OR1L8: variants seen among roughly 807,000 people sequenced by gnomAD.
OR1L8 encodes olfactory receptor family 1 subfamily L member 8.
For synonymous variants in OR1L8, 148 were observed against 147.0 expected (o/e 1.01, Z -0.05); for missense variants, 330 against 377.4 (o/e 0.87, Z 1.04).
chr9:122,552,336 G>A, the OR1L8 span, among the ~76,000 whole-genome samples: 90 of 152,268 alleles, frequency 5.9e-4, no homozygotes, highest in South Asian at 7.9e-3. Context: ...AAGTCAGGGC[G>A]ATACCTTTCA....
At chr9:122,569,909 A>G (rs1283812520) in intron 4 of OR1L8, among the ~76,000 whole-genome samples, 2 of 143,994 alleles carry the variant, frequency 1.4e-5, no homozygotes, top group African/African-American at 5.2e-5. Flanking sequence ...AATTCCCACC[A>G]ATGAGTGAGA....
At chr9:122,556,659 A>G in the OR1L8 span, among the ~76,000 whole-genome samples, 1 of 152,156 alleles carries the variant, frequency 6.6e-6, no homozygotes, top group Admixed American at 6.5e-5. Context: ...CATTCTGCAC[A>G]TGTATCCCAG....
chr9:122,566,692 A>C (rs548166466), downstream of OR1L8, among the ~76,000 whole-genome samples: 3 of 152,336 alleles, frequency 2.0e-5, no homozygotes, highest in East Asian at 5.8e-4. Context: ...ATATATACAT[A>C]TATCTCACAA....
rs539296060 is a variant in OR1L8, at chr9:122,568,100, G to A, written c.378C>T (p.Ala126=). ...TGACATAGTGGAAAGGGTCACAGAC[G>A]GCCACATAGCGGTCAAAGGCCATGA... ...LAVMAFDRYV[A]VCDPFHYVTT... Residue 126 remains alanine, a synonymous_variant, in exon 5 of 5, where the codon GCC becomes GCT. Transcript: ENST00000641027. 68 of 1,613,982 alleles carry A rather than the reference G, an allele frequency of 4.2e-5. No homozygotes were observed. Among genetic ancestry groups the A allele is most frequent in the Middle Eastern group, 1.7e-4 (1 of 6,058 alleles).
At chr9:122,582,416 T>C (rs1186646784) in intron 1 of OR1L8, among the ~76,000 whole-genome samples, 1 of 151,898 alleles carries the variant, frequency 6.6e-6, no homozygotes, top group Non-Finnish European at 1.5e-5. Context: ...AATTTATGAG[T>C]TTAAAAAATA....
At chr9:122,554,174 G>A in the OR1L8 span, 1 of 1,587,230 alleles carries the variant, frequency 6.3e-7, no homozygotes, top group Non-Finnish European at 8.6e-7. Context: ...TAGACATCTA[G>A]ACGGTGATGT....
chr9:122,548,702 T>A, the OR1L8 span, among the ~76,000 whole-genome samples: 8 of 151,474 alleles, frequency 5.3e-5, no homozygotes, highest in African/African-American at 1.9e-4. Context: ...CATTAACCGG[T>A]CATTTACATT....
downstream of OR1L8, among the ~76,000 whole-genome samples, chr9:122,566,763 G>C (rs1829432853): frequency 6.6e-6 from 1 of 151,806 alleles, no homozygotes; most frequent in Non-Finnish European, 1.5e-5. Context: ...ATTTCTATAG[G>C]CTAGAGTCCT....
the OR1L8 span, among the ~76,000 whole-genome samples, chr9:122,552,100 C>A: frequency 2.7e-5 from 4 of 147,648 alleles, no homozygotes; most frequent in African/African-American, 9.9e-5. Flanking sequence ...CACATATACA[C>A]CTTCCTTCCC....
At chr9:122,548,375 C>A in the OR1L8 span, among the ~76,000 whole-genome samples, 1 of 152,082 alleles carries the variant, frequency 6.6e-6, no homozygotes. Context: ...ATGATAGTTT[C>A]CTCTAGTACA....
At chr9:122,571,283 G>A (rs1488540526) in intron 4 of OR1L8, among the ~76,000 whole-genome samples, 1 of 152,126 alleles carries the variant, frequency 6.6e-6, no homozygotes, top group Non-Finnish European at 1.5e-5. Context: ...CGGGCGCGGT[G>A]GCTCACACCT....
rs146268304 is a variant in OR1L8 at position 122,567,676 on chromosome 9, C to A, written c.802G>T (p.Ala268Ser). Residue 268 changes from alanine (A) to serine (S), a missense_variant, in exon 5 of 5, where the codon GCT becomes TCT. Physicochemically the swap from Ala to Ser is moderately conservative, Grantham distance 99. Transcript: ENST00000641027. Reference protein sequence around the residue: ...CVYLQPPSTYAVKDHVATIVY... With the variant: ...CVYLQPPSTYSVKDHVATIVY... Reference sequence around the variant, plus strand: ...ATTGTTGCCACGTGGTCCTTGACAGCGTAGGTGGATGGGGGCTGTAAATAG... The same window carrying A: ...ATTGTTGCCACGTGGTCCTTGACAGAGTAGGTGGATGGGGGCTGTAAATAG... The A allele has an allele frequency of 6.2e-7, 1 of 1,614,022 alleles. No individual in the cohort carries two copies. The highest frequency in any genetic ancestry group is 8.5e-7 in the Non-Finnish European group (1 of 1,179,986).
At chr9:122,579,775 T>C (rs779015385) in intron 1 of OR1L8, among the ~76,000 whole-genome samples, 5 of 152,028 alleles carry the variant, frequency 3.3e-5, no homozygotes, top group South Asian at 2.1e-4. Flanking sequence ...TTGTCATTGA[T>C]GTTTTAAGCA....
the OR1L8 span, chr9:122,554,031 G>T: frequency 2.5e-6 from 4 of 1,613,878 alleles, no homozygotes; most frequent in Non-Finnish European, 3.4e-6. Flanking sequence ...TACAGAGAGG[G>T]AAAGTAGGGC....
At position 122,567,708 on chromosome 9, in the gene OR1L8, A is replaced by T. The variant is rs762187013; in HGVS notation, c.770T>A (p.Phe257Tyr). 1 of 1,614,102 alleles carries T rather than the reference A, an allele frequency of 6.2e-7. No homozygotes were observed. Among genetic ancestry groups the T allele is most frequent in the Non-Finnish European group, 8.5e-7 (1 of 1,180,024 alleles). ...TVVTLFYGSI[F>Y]CVYLQPPSTY... ...GGATGGGGGCTGTAAATAGACACAG[A>T]AGATGCTTCCATAAAAGAGCGTCAC... Residue 257 changes from phenylalanine to tyrosine, a missense_variant, in exon 5 of 5, where the codon TTC (phenylalanine) becomes TAC (tyrosine). Transcript: ENST00000641027.
downstream of OR1L8, among the ~76,000 whole-genome samples, chr9:122,564,110 T>A (rs938160945): frequency 6.6e-6 from 1 of 152,186 alleles, no homozygotes; most frequent in African/African-American, 2.4e-5. Flanking sequence ...TGGGGACTAC[T>A]GGACACTGGC....
chr9:122,566,829 A>T (rs1283158140), downstream of OR1L8, among the ~76,000 whole-genome samples: 1 of 152,202 alleles, frequency 6.6e-6, no homozygotes, highest in African/African-American at 2.4e-5. Flanking sequence ...CACATAGTTT[A>T]TGGGAAGGTG....
chr9:122,568,300 T>G lies in OR1L8; in HGVS notation c.178A>C (p.Met60Leu). The change falls in exon 5 of 5, where the codon ATG becomes CTG. Residue 60 changes from methionine to leucine, a missense_variant. Transcript: ENST00000641027. ...IRFNPHLQTP[M>L]YFFLSFLSLT... Reference sequence around the variant, plus strand: ...GACAGAAAACTCAAGAAGAAATACATAGGGGTCTGAAGATGGGGGTTGAAG... The same window carrying G: ...GACAGAAAACTCAAGAAGAAATACAGAGGGGTCTGAAGATGGGGGTTGAAG... 1 of 1,613,984 alleles carries G rather than the reference T, an allele frequency of 6.2e-7. No homozygotes were observed. The highest frequency in any genetic ancestry group is 2.2e-5 in the East Asian group (1 of 44,880).
chr9:122,553,679 C>T, the OR1L8 span: 2 of 1,614,132 alleles, frequency 1.2e-6, no homozygotes, highest in Non-Finnish European at 1.7e-6. Flanking sequence ...TGCTAACCAA[C>T]TGTCCTGCCC....
Sources: allele counts gnomAD v4.1 joint callset (sites outside exome capture counted in the v4.1 genomes callset), GRCh38; gene constraint gnomAD v4.1.1; transcripts MANE v1.5; gene names NCBI Gene and HGNC (gene_info 2026-07-23, HGNC 2026-07-21).